TRPV1: variants seen among roughly 807,000 people sequenced by gnomAD.
TRPV1 encodes transient receptor potential cation channel subfamily V member 1, also known as OTRPC1.
TRPV1 carries 82 observed loss-of-function variants against 82.3 expected under a neutral mutation model. The observed-to-expected ratio is 1.00, with a 90% CI of 0.83 to 1.20. TRPV1 has a LOEUF of 1.20. Among genes scored for constraint, TRPV1 ranks in the 50% most tolerant of loss-of-function variants. The probability of loss-of-function intolerance (pLI) is 0.00; values close to 1 mark genes in which losing one functional copy is unlikely to be tolerated. For synonymous variants in TRPV1, 515 were observed against 467.7 expected (o/e 1.10, Z -1.30); for missense variants, 1,067 against 1,096.8 (o/e 0.97, Z 0.38).
chr17:3,607,632 G>T (rs1018944668), intron 2 of TRPV1, among the ~76,000 whole-genome samples: 10 of 151,138 alleles, frequency 6.6e-5, no homozygotes, highest in Non-Finnish European at 1.3e-4. Context: ...TGCTTCCAGA[G>T]CTCAAGCGAT....
At chr17:3,572,796 A>T (rs2074871941) in intron 14 of TRPV1, among the ~76,000 whole-genome samples, 1 of 152,214 alleles carries the variant, frequency 6.6e-6, no homozygotes, top group Admixed American at 6.5e-5. Flanking sequence ...CAGCCTGGCC[A>T]ACATGGTGAA....
intron 2 of TRPV1, chr17:3,601,919 T>C (rs2075266222): frequency 1.3e-5 from 2 of 152,090 alleles, no homozygotes; most frequent in Non-Finnish European, 2.9e-5. Flanking sequence ...TCTAAACTCC[T>C]ACAGGAACTT....
chr17:3,588,402 G>C, intron 7 of TRPV1, 35 bp from the exon 8 acceptor site: 1 of 1,545,254 alleles, frequency 6.5e-7, no homozygotes, highest in Non-Finnish European at 8.7e-7. Context: ...TCAGAGGCCA[G>C]CCCCAGGCTC....
rs1249818603 is a variant in TRPV1, at chr17:3,585,839, T to C, written c.1312A>G (p.Asn438Asp). ...DRFVKRIFYF[N>D]FLVYCLYMII... Reference sequence around the variant, plus strand: ...ATGTACAGGCAGTAGACCAGGAAGTTGAAGTAGAAGATGCGCTTGACGAAT... The same window carrying C: ...ATGTACAGGCAGTAGACCAGGAAGTCGAAGTAGAAGATGCGCTTGACGAAT... The change falls in exon 9 of 17, where the codon AAC (asparagine) becomes GAC (aspartate). Residue 438 changes from asparagine (N) to aspartate (D), a missense_variant. Transcript: ENST00000572705. 1 of 1,613,850 alleles carries C rather than the reference T, an allele frequency of 6.2e-7. No homozygotes were observed. The highest frequency in any genetic ancestry group is 2.2e-5 in the East Asian group (1 of 44,854).
chr17:3,583,466 T>G (rs1365593724), intron 9 of TRPV1, 36 bp from the exon 10 acceptor site: 1 of 1,479,320 alleles, frequency 6.8e-7, no homozygotes, highest in Non-Finnish European at 9.3e-7. Context: ...CTCCATTTAC[T>G]CATTCGTTCA....
At chr17:3,590,919 CG>C in intron 5 of TRPV1, 44 bp downstream of exon 5, 1 of 1,523,406 alleles carries the variant, frequency 6.6e-7, no homozygotes, top group Non-Finnish European at 8.8e-7. Context: ...CCCTGCTTCC[CG>C]GTGCTGCGGG....
At chr17:3,590,929 G>T (rs778632437) in intron 5 of TRPV1, 35 bp downstream of exon 5, 1 of 1,548,238 alleles carries the variant, frequency 6.5e-7, no homozygotes, top group South Asian at 1.3e-5. Context: ...CGGTGCTGCG[G>T]GCTGAGCCAT....
chr17:3,573,532 G>GCCCA lies in TRPV1; in HGVS notation c.2103+100_2103+101insTGGG. ...GCCCATACCCTCCTGGCCACACACC[G>GCCCA]CCCCCACCACCCACCCACCTGCAGC... On this transcript the variant is annotated intron_variant, in intron 14 of 16. Coordinates refer to ENST00000572705, the MANE Select transcript of TRPV1 (RefSeq NM_080704.4). 6 of 257,076 alleles carry GCCCA rather than the reference G, an allele frequency of 2.3e-5. 2 individuals are homozygous for GCCCA. Among genetic ancestry groups the GCCCA allele is most frequent in the Non-Finnish European group, 3.8e-5 (5 of 130,288 alleles). The allele number at this position is 257,076 out of a possible 1,614,324, so 15.9% of individuals were successfully genotyped here.
At chr17:3,590,911 C>A (rs2075148285) in intron 5 of TRPV1, 53 bp downstream of exon 5, 4 of 1,510,998 alleles carry the variant, frequency 2.6e-6, no homozygotes, top group Admixed American at 4.3e-5. Flanking sequence ...CCATGCCCCC[C>A]TGCTTCCCGG....
intron 2 of TRPV1, among the ~76,000 whole-genome samples, chr17:3,604,401 C>T (rs2150860508): frequency 6.6e-6 from 1 of 152,126 alleles, no homozygotes; most frequent in South Asian, 2.1e-4. Context: ...AGTTTGAGAC[C>T]AGCCTGGCCA....
intron 7 of TRPV1, chr17:3,588,840 C>T (rs1436313435): frequency 1.5e-5 from 19 of 1,281,818 alleles, no homozygotes; most frequent in African/African-American, 4.6e-5. Context: ...ACAAAACACA[C>T]AAACGTCAAC....
At chr17:3,591,946 C>T in intron 3 of TRPV1, 121 bp downstream of exon 3, 1 of 1,388,758 alleles carries the variant, frequency 7.2e-7, no homozygotes, top group Non-Finnish European at 9.5e-7. Context: ...GACCAGACCA[C>T]CCCTAAGGCT....
At position 3,603,177 on chromosome 17, in the gene TRPV1, C is replaced by T. The variant is rs117184681; in HGVS notation, c.-34+5250G>A. Among the ~76,000 whole-genome samples, 147 of 152,078 alleles carry T rather than the reference C, an allele frequency of 9.7e-4. 6 individuals are homozygous for T. The East Asian group carries it at 0.023, about 24-fold the overall frequency. On this transcript the variant is annotated intron_variant, in intron 2 of 16. Transcript: ENST00000572705. ...GAAAAATACCCTCCTTCCTGCATTT[C>T]GTCTCTGTGTTCCTGTCACCGGGTG...
At chr17:3,578,797 T>C (rs1441258139) in intron 11 of TRPV1, 1 of 152,122 alleles carries the variant, frequency 6.6e-6, no homozygotes, top group Non-Finnish European at 1.5e-5. Flanking sequence ...AATGGTAGAC[T>C]GGATAATCAA....
At chr17:3,587,688 C>T (rs1320495084) in intron 8 of TRPV1, among the ~76,000 whole-genome samples, 13 of 151,966 alleles carry the variant, frequency 8.6e-5, no homozygotes, top group Non-Finnish European at 1.8e-4. Context: ...CCTGGTGGCG[C>T]ATGCCTGTAA....
chr17:3,581,098 T>C (rs763968943), intron 10 of TRPV1, among the ~76,000 whole-genome samples: 3 of 152,064 alleles, frequency 2.0e-5, no homozygotes, highest in Non-Finnish European at 4.4e-5. Context: ...TAAAATGTTA[T>C]CAGTTGCTGT....
chr17:3,603,707 C>T (rs1035194104), intron 2 of TRPV1, among the ~76,000 whole-genome samples: 3 of 152,030 alleles, frequency 2.0e-5, no homozygotes. Context: ...GCCATTAGCT[C>T]GAAGTTATGA....
chr17:3,572,898 G>A (rs528303304), intron 14 of TRPV1, among the ~76,000 whole-genome samples: 6 of 144,188 alleles, frequency 4.2e-5, no homozygotes, highest in East Asian at 2.2e-4. Context: ...CAGAAGAACC[G>A]CTTGAAGTCG....
intron 1 of TRPV1, 86 bp downstream of exon 1, chr17:3,609,223 A>T (rs2075320576): frequency 6.6e-6 from 1 of 152,174 alleles, no homozygotes; most frequent in African/African-American, 2.4e-5. Flanking sequence ...GGCCAGAGTG[A>T]TCAGGCATTT....
Sources: allele counts gnomAD v4.1 joint callset (sites outside exome capture counted in the v4.1 genomes callset), GRCh38; gene constraint gnomAD v4.1.1; transcripts MANE v1.5; gene names NCBI Gene and HGNC (gene_info 2026-07-23, HGNC 2026-07-21).